The following SETBP1 variants were observed in gnomAD, a reference collection of about 807,000 sequenced individuals.
The protein encoded by SETBP1 is SET-binding protein.
In SETBP1, 9 loss-of-function variants were observed where a neutral mutation model predicts 101.0. That is an observed-to-expected ratio of 0.09 (90% CI 0.05 to 0.16). The LOEUF (loss-of-function observed/expected upper bound fraction) is 0.16, where lower values mean the gene tolerates loss of function less well. Ranked by LOEUF, SETBP1 falls within the 10% of genes least tolerant of loss-of-function variation. The pLI, the probability that SETBP1 is intolerant of heterozygous loss-of-function variation, is 1.00. For missense variants in SETBP1, 1,858 were observed against 2,033.8 expected, an observed-to-expected ratio of 0.91 and a Z score of 1.66; for synonymous variants, 818 against 788.5, an observed-to-expected ratio of 1.04 and a Z score of -0.63.
At chr18:44,855,297 G>GT (rs1360489032) in intron 2 of SETBP1, among the ~76,000 whole-genome samples, 1 of 151,698 alleles carries the variant, frequency 6.6e-6, no homozygotes. Flanking sequence ...TTATTTGTTT[G>GT]TTTTTTGTTT....
intron 2 of SETBP1, among the ~76,000 whole-genome samples, chr18:44,840,492 GTC>G (rs2072594226): frequency 1.3e-5 from 2 of 152,176 alleles, no homozygotes; most frequent in Admixed American, 1.3e-4. Context: ...CTCACCTCAG[GTC>G]TGGGCTGTTT....
chr18:44,846,558 C>A (rs2072728803), intron 2 of SETBP1, among the ~76,000 whole-genome samples: 1 of 152,116 alleles, frequency 6.6e-6, no homozygotes, highest in Non-Finnish European at 1.5e-5. Flanking sequence ...AATATCTGAG[C>A]CTTATATGTT....
intron 2 of SETBP1, among the ~76,000 whole-genome samples, chr18:44,750,716 T>G (rs1301797026): frequency 6.6e-6 from 1 of 152,188 alleles, no homozygotes; most frequent in African/African-American, 2.4e-5. Context: ...CACTGCTCTT[T>G]CAGAGTTCTG....
chr18:44,763,914 C>T (rs2070711197), intron 2 of SETBP1, among the ~76,000 whole-genome samples: 2 of 152,158 alleles, frequency 1.3e-5, no homozygotes, highest in Admixed American at 1.3e-4. Flanking sequence ...TCTCCACCCT[C>T]TTCTCTTCTC....
At chr18:44,715,375 G>A (rs910312495) in intron 2 of SETBP1, among the ~76,000 whole-genome samples, 6 of 152,042 alleles carry the variant, frequency 3.9e-5, no homozygotes, top group South Asian at 2.1e-4. Context: ...TAATAGGCTC[G>A]CTGTGACTTA....
chr18:44,787,577 G>A (rs970939156), intron 2 of SETBP1, among the ~76,000 whole-genome samples: 1 of 152,028 alleles, frequency 6.6e-6, no homozygotes. Flanking sequence ...ATTGTTGGCC[G>A]GGCGCGGTGG....
At chr18:44,772,142 T>A (rs578057208) in intron 2 of SETBP1, among the ~76,000 whole-genome samples, 20 of 152,048 alleles carry the variant, frequency 1.3e-4, no homozygotes, top group African/African-American at 4.6e-4. Flanking sequence ...TTCCTCAGCA[T>A]GTGAGTTTGA....
intron 4 of SETBP1, among the ~76,000 whole-genome samples, chr18:44,957,842 G>A (rs2071524740): frequency 1.3e-5 from 2 of 152,212 alleles, no homozygotes; most frequent in African/African-American, 4.8e-5. Context: ...GAGGACTAAT[G>A]GGAGGAGAAA....
intron 4 of SETBP1, among the ~76,000 whole-genome samples, chr18:44,971,063 C>T (rs1291198960): frequency 4.9e-5 from 7 of 142,972 alleles, no homozygotes; most frequent in Non-Finnish European, 1.1e-4. Flanking sequence ...GTGTGATGTT[C>T]CCCTTCCAGT....
chr18:44,688,692 A>G (rs930216364), intron 1 of SETBP1, among the ~76,000 whole-genome samples: 1 of 152,000 alleles, frequency 6.6e-6, no homozygotes, highest in South Asian at 2.1e-4. Flanking sequence ...TGACCTCATG[A>G]TCCGCCTGCC....
chr18:44,908,091 T>G (rs1469323583), intron 3 of SETBP1, among the ~76,000 whole-genome samples: 1 of 151,898 alleles, frequency 6.6e-6, no homozygotes, highest in Non-Finnish European at 1.5e-5. Context: ...GACAGAGTCT[T>G]GCTCTGACAC....
At chr18:44,686,530 TTTG>T (rs1382339909) in intron 1 of SETBP1, among the ~76,000 whole-genome samples, 1 of 152,130 alleles carries the variant, frequency 6.6e-6, no homozygotes, top group Non-Finnish European at 1.5e-5. Context: ...TGCCTTGCTG[TTTG>T]TTATCACTTA....
At chr18:44,704,552 A>G (rs184248259) in intron 2 of SETBP1, among the ~76,000 whole-genome samples, 58 of 152,310 alleles carry the variant, frequency 3.8e-4, no homozygotes, top group African/African-American at 1.3e-3. Context: ...TAATACAGCT[A>G]TCATCACTGA....
intron 3 of SETBP1, among the ~76,000 whole-genome samples, chr18:44,895,811 T>A (rs582472): frequency 0.53 from 80,716 of 151,930 alleles, 21,504 homozygotes; most frequent in Non-Finnish European, 0.54. Flanking sequence ...TTAAATATTT[T>A]GTTTTATTTA....
chr18:44,956,833 T>A (rs1459379345), intron 4 of SETBP1, among the ~76,000 whole-genome samples: 1 of 152,222 alleles, frequency 6.6e-6, no homozygotes, highest in Non-Finnish European at 1.5e-5. Context: ...GGAAAATCTT[T>A]CATTCTTTCT....
intron 4 of SETBP1, among the ~76,000 whole-genome samples, chr18:44,964,923 T>C (rs1205545228): frequency 1.3e-5 from 2 of 152,186 alleles, no homozygotes; most frequent in Non-Finnish European, 2.9e-5. Flanking sequence ...TGTTGTGTCA[T>C]TATCCAAACG....
intron 2 of SETBP1, among the ~76,000 whole-genome samples, chr18:44,863,254 G>A (rs879081787): frequency 6.6e-6 from 1 of 152,076 alleles, no homozygotes; most frequent in South Asian, 2.1e-4. Context: ...CTTCCTGCCT[G>A]TTTCAGAGTC....
At chr18:44,959,715 G>A (rs1567993555) in intron 4 of SETBP1, among the ~76,000 whole-genome samples, 1 of 152,024 alleles carries the variant, frequency 6.6e-6, no homozygotes, top group African/African-American at 2.4e-5. Context: ...GAGGAGAGGT[G>A]GGACCTGGAA....
chr18:44,704,965 A>G (rs945594219), intron 2 of SETBP1, among the ~76,000 whole-genome samples: 30 of 152,114 alleles, frequency 2.0e-4, no homozygotes, highest in Non-Finnish European at 8.8e-5. Flanking sequence ...TGTTAAGCTG[A>G]TCTTTGAGCT....
Sources: allele counts gnomAD v4.1 joint callset (sites outside exome capture counted in the v4.1 genomes callset), GRCh38; gene constraint gnomAD v4.1.1; transcripts MANE v1.5; gene names NCBI Gene and HGNC (gene_info 2026-07-23, HGNC 2026-07-21).